The following PSD3 variants were observed in gnomAD, a reference collection of about 807,000 sequenced individuals.
PSD3 encodes PH and SEC7 domain-containing protein 3.
In PSD3, 49 loss-of-function variants were observed where a neutral mutation model predicts 105.5. That is an observed-to-expected ratio of 0.46 (90% CI 0.37 to 0.59). The LOEUF (loss-of-function observed/expected upper bound fraction) is 0.59, where lower values mean the gene tolerates loss of function less well. Ranked by LOEUF, PSD3 falls within the 20% of genes least tolerant of loss-of-function variation. The pLI, the probability that PSD3 is intolerant of heterozygous loss-of-function variation, is 0.00. For missense variants in PSD3, 1,561 were observed against 1,263.8 expected (o/e 1.24, Z -3.57); for synonymous variants, 557 against 457.8 (o/e 1.22, Z -2.77).
At chr8:19,072,684 G>A (rs1348688179) in intron 1 of PSD3, among the ~76,000 whole-genome samples, 1 of 152,236 alleles carries the variant, frequency 6.6e-6, no homozygotes, top group East Asian at 1.9e-4. Context: ...CTGAAAGCAT[G>A]CAGCCTAGGG....
At chr8:19,023,600 T>C (rs944152928) in intron 1 of PSD3, among the ~76,000 whole-genome samples, 9 of 151,904 alleles carry the variant, frequency 5.9e-5, no homozygotes, top group Non-Finnish European at 8.8e-5. Flanking sequence ...CCCCACTGAA[T>C]ATTATTTTAA....
chr8:18,862,002 GA>G (rs763848712), intron 4 of PSD3, among the ~76,000 whole-genome samples: 2 of 152,218 alleles, frequency 1.3e-5, no homozygotes, highest in Middle Eastern at 3.4e-3. Context: ...GATTTCTAAG[GA>G]AGCCCCGTAG....
upstream of PSD3, among the ~76,000 whole-genome samples, chr8:19,017,242 G>T (rs550154982): frequency 2.6e-5 from 4 of 151,892 alleles, no homozygotes; most frequent in South Asian, 4.2e-4. Context: ...TTAAGATGGG[G>T]TCTCCCTATA....
intron 2 of PSD3, among the ~76,000 whole-genome samples, chr8:18,901,321 G>T (rs894874679): frequency 2.6e-5 from 4 of 152,172 alleles, no homozygotes; most frequent in Admixed American, 6.5e-5. Context: ...ATAGTCAACA[G>T]GTAAAGTGAG....
chr8:18,884,431 G>T (rs1018710145), intron 2 of PSD3, among the ~76,000 whole-genome samples: 1 of 151,908 alleles, frequency 6.6e-6, no homozygotes, highest in African/African-American at 2.4e-5. Flanking sequence ...TAAAAATAAC[G>T]GAAAAATGAA....
chr8:19,035,896 A>C (rs544495702), intron 1 of PSD3, among the ~76,000 whole-genome samples: 1 of 152,004 alleles, frequency 6.6e-6, no homozygotes, highest in Non-Finnish European at 1.5e-5. Flanking sequence ...CTGGGATTGC[A>C]GGTGCATACC....
At position 18,950,489 on chromosome 8, in the gene PSD3, T is replaced by A. The variant is rs377023927; in HGVS notation, c.22-14347A>T. 9.8e-5 allele frequency among the ~76,000 whole-genome samples: 15 copies of A among 152,288 alleles called. No homozygotes were observed. In the East Asian group the frequency reaches 1.9e-3, roughly 20 times the overall value. ...CAAGCAAAAAGAAACAACGTATTCC[T>A]CTTGTCCAACTGAGGCTTTGCACCC... On this transcript the variant is annotated intron_variant, in intron 1 of 15. Coordinates refer to ENST00000327040, the MANE Select transcript of PSD3 (RefSeq NM_015310.4).
intron 2 of PSD3, among the ~76,000 whole-genome samples, chr8:18,895,087 G>T (rs1439408315): frequency 6.6e-6 from 1 of 152,172 alleles, no homozygotes; most frequent in Non-Finnish European, 1.5e-5. Flanking sequence ...CTGCACTGAG[G>T]ACAGAGTCTC....
intron 14 of PSD3, among the ~76,000 whole-genome samples, chr8:18,560,900 G>T (rs919591184): frequency 6.6e-6 from 1 of 152,276 alleles, no homozygotes; most frequent in East Asian, 1.9e-4. Context: ...CCCTCATGAA[G>T]CGGTAAGTGT....
At chr8:18,896,040 C>T (rs914753428) in intron 2 of PSD3, among the ~76,000 whole-genome samples, 1 of 152,168 alleles carries the variant, frequency 6.6e-6, no homozygotes, top group Non-Finnish European at 1.5e-5. Flanking sequence ...TTTTTAGCTT[C>T]CACATATGGG....
intron 9 of PSD3, among the ~76,000 whole-genome samples, chr8:18,679,654 G>A (rs1306067644): frequency 6.6e-6 from 1 of 152,094 alleles, no homozygotes; most frequent in Non-Finnish European, 1.5e-5. Flanking sequence ...ATGAGTCTTG[G>A]GGAGGTGAAG....
rs1816804952 is a variant in PSD3, at chr8:18,865,265, TATATATA to T, written c.1634+2402_1634+2408del. On this transcript the variant is annotated intron_variant, in intron 4 of 15. Transcript: ENST00000327040. ...ATATATATATATATATATATATATATATATATATATATATATATATATTTTTTTTTTT... is the reference window on the plus strand; with the variant it reads ...ATATATATATATATATATATATATATTATATATATATATATTTTTTTTTTT... 5 of 7,674 alleles carry T rather than the reference TATATATA, an allele frequency of 6.5e-4. 2 individuals are homozygous for T. The highest frequency in any genetic ancestry group is 1.1e-3 in the Non-Finnish European group (5 of 4,586). 0.5% of individuals were successfully genotyped at this position (7,674 alleles called of 1,614,324 possible).
rs187213008 is a variant in PSD3 at position 18,977,717 on chromosome 8, T to C, written c.21+35846A>G. Among the ~76,000 whole-genome samples, 80 of 152,306 alleles carry C rather than the reference T, an allele frequency of 5.3e-4. 1 individual carries two copies. Among genetic ancestry groups the C allele is most frequent in the African/African-American group, 1.9e-3 (79 of 41,572 alleles). ...ATATATTTAATGTTATGTAAATAAG[T>C]GTACATTAAAAATTTAGACATGCAC... On this transcript the variant is annotated intron_variant, in intron 1 of 15. Coordinates refer to ENST00000327040, the MANE Select transcript of PSD3 (RefSeq NM_015310.4).
upstream of PSD3, among the ~76,000 whole-genome samples, chr8:19,018,658 A>G (rs1267593157): frequency 6.6e-6 from 1 of 152,248 alleles, no homozygotes; most frequent in South Asian, 2.1e-4. Context: ...GTAGAGGTGG[A>G]GAGCCACTTG....
At chr8:18,640,861 G>A (rs1807593809) in intron 10 of PSD3, among the ~76,000 whole-genome samples, 1 of 152,090 alleles carries the variant, frequency 6.6e-6, no homozygotes, top group African/African-American at 2.4e-5. Context: ...TACTTCTTTG[G>A]CATCAGGTAA....
intron 4 of PSD3, among the ~76,000 whole-genome samples, chr8:18,805,823 T>C (rs190148734): frequency 1.1e-4 from 16 of 152,360 alleles, no homozygotes; most frequent in Admixed American, 1.0e-3. Context: ...TCCTAACTTT[T>C]GTTCAAAAGC....
At chr8:18,727,942 T>G (rs538735139) in intron 9 of PSD3, among the ~76,000 whole-genome samples, 72 of 152,292 alleles carry the variant, frequency 4.7e-4, no homozygotes, top group Non-Finnish European at 9.1e-4. Context: ...TTTAGTCTAT[T>G]AGAACACATA....
intron 12 of PSD3, 54 bp from the exon 13 acceptor site, chr8:18,575,339 T>G: frequency 6.9e-7 from 1 of 1,444,172 alleles, no homozygotes. Flanking sequence ...GATTTCAACT[T>G]AATTTTTTAA....
In PSD3 at chr8:18,530,015, A is replaced by C. The variant is rs1799567499; in HGVS notation, c.*5728T>G. The C allele has an allele frequency of 6.6e-6, 1 of 152,542 alleles. No homozygotes were observed. Among genetic ancestry groups the C allele is most frequent in the Non-Finnish European group, 1.5e-5 (1 of 68,052 alleles). The allele number at this position is 152,542 out of a possible 1,614,324, so 9.4% of individuals were successfully genotyped here. A position where few individuals can be genotyped will look rare whatever the true frequency, so the allele number is the denominator to read the frequency against. On this transcript the variant is annotated 3_prime_UTR_variant, in exon 16 of 16. Transcript: ENST00000327040. ...AAAAAATGCCTCAAGTGTAACTACC[A>C]ACACATTACTGCAGCCTGGAGCTGA...
Sources: allele counts gnomAD v4.1 joint callset (sites outside exome capture counted in the v4.1 genomes callset), GRCh38; gene constraint gnomAD v4.1.1; transcripts MANE v1.5; gene names NCBI Gene and HGNC (gene_info 2026-07-23, HGNC 2026-07-21).